TBCK: variants seen among roughly 807,000 people sequenced by gnomAD.
TBCK encodes the protein TBC1 domain containing kinase.
In TBCK, 99 loss-of-function variants were observed where a neutral mutation model predicts 113.4. The observed-to-expected ratio is 0.87, with a 90% CI of 0.74 to 1.03. TBCK has a LOEUF of 1.03. Among genes scored for constraint, TBCK ranks in the 50% least tolerant of loss-of-function variants. TBCK has a pLI of 0.00. For synonymous variants in TBCK, 369 were observed against 370.8 expected (o/e 1.00, Z 0.05); for missense variants, 1,045 against 1,061.3 (o/e 0.98, Z 0.21).
intron 19 of TBCK, among the ~76,000 whole-genome samples, chr4:106,227,744 TG>T (rs1401851885): frequency 2.6e-5 from 4 of 151,722 alleles, no homozygotes; most frequent in Admixed American, 2.6e-4. Flanking sequence ...AAACAGTAAA[TG>T]GGAGAGTGAG....
chr4:106,243,288 T>C (rs1760381182), intron 11 of TBCK, among the ~76,000 whole-genome samples: 2 of 152,110 alleles, frequency 1.3e-5, no homozygotes, highest in South Asian at 4.1e-4. Flanking sequence ...CTCCTGACAT[T>C]AACTCAATGT....
intron 24 of TBCK, among the ~76,000 whole-genome samples, chr4:106,107,719 A>C (rs1045333207): frequency 1.3e-5 from 2 of 152,212 alleles, no homozygotes; most frequent in Admixed American, 6.5e-5. Flanking sequence ...TTCACAATGG[A>C]AAGAATTAGA....
intron 5 of TBCK, among the ~76,000 whole-genome samples, chr4:106,258,068 T>C (rs1328594256): frequency 6.6e-6 from 1 of 152,096 alleles, no homozygotes; most frequent in Non-Finnish European, 1.5e-5. Flanking sequence ...TCAAATATTT[T>C]AGTTTCCCTT....
chr4:106,288,126 A>AG lies in TBCK; in HGVS notation c.266+6967_266+6968insC, dbSNP rs1185900890. 2.0e-5 allele frequency among the ~76,000 whole-genome samples: 3 copies of AG among 150,906 alleles called. No homozygotes were observed. The East Asian group carries it at 5.8e-4, about 29-fold the overall frequency. On this transcript the variant is annotated intron_variant, in intron 3 of 25. Transcript: ENST00000394708. Reference sequence around the variant, plus strand: ...TTTCTTAAAAAAAAAAAAAAAAAAAATTAAGGTATGCAATCCCAGAACTCT... The same window carrying AG: ...TTTCTTAAAAAAAAAAAAAAAAAAAAGTTAAGGTATGCAATCCCAGAACTCT...
Position 106,045,468 on chromosome 4 carries a change from C to G in TBCK, c.*1102G>C, listed in dbSNP as rs2149437447. On this transcript the variant is annotated 3_prime_UTR_variant, in exon 26 of 26. Coordinates refer to ENST00000394708, the MANE Select transcript of TBCK (RefSeq NM_001163435.3). ...TTAGCTGTACCTCAATATGTACTCT[C>G]TTCTTCCCACACAGTAATAAGAATG... 6.6e-6 allele frequency: 1 copy of G among 152,266 alleles called. No individual in the cohort carries two copies. The highest frequency in any genetic ancestry group is 6.5e-5 in the Admixed American group (1 of 15,286). 9.4% of individuals were successfully genotyped at this position (152,266 alleles called of 1,614,324 possible).
At chr4:106,246,477 T>A (rs1386310375) in intron 10 of TBCK, among the ~76,000 whole-genome samples, 2 of 152,092 alleles carry the variant, frequency 1.3e-5, no homozygotes, top group Non-Finnish European at 2.9e-5. Context: ...TGATATATAA[T>A]TCTTATCAAT....
At chr4:106,280,160 T>C (rs1420628277) in intron 3 of TBCK, among the ~76,000 whole-genome samples, 1 of 152,228 alleles carries the variant, frequency 6.6e-6, no homozygotes, top group Non-Finnish European at 1.5e-5. Flanking sequence ...AGTGTAGTTT[T>C]GATTTGCATT....
intron 23 of TBCK, among the ~76,000 whole-genome samples, chr4:106,165,750 G>A (rs1406198559): frequency 3.3e-5 from 5 of 151,644 alleles, no homozygotes; most frequent in Non-Finnish European, 7.4e-5. Context: ...ACCCTGCCAG[G>A]GTGGTATTAT....
rs375131326 is a variant in TBCK, at chr4:106,229,186, TTCTG to T, written c.1774+1173_1774+1176del. Among the ~76,000 whole-genome samples, 83 of 152,210 alleles carry T rather than the reference TTCTG, an allele frequency of 5.5e-4. No homozygotes were observed. The East Asian group carries it at 8.3e-3, about 15-fold the overall frequency. On this transcript the variant is annotated intron_variant, in intron 19 of 25. Coordinates refer to ENST00000394708, the MANE Select transcript of TBCK (RefSeq NM_001163435.3). Reference sequence around the variant, plus strand: ...GGTAGTTTTCAAACATTTTCTCCCATTCTGTGAGTTGTCTCCTAACTTTGTTGAT... The same window carrying T: ...GGTAGTTTTCAAACATTTTCTCCCATTGAGTTGTCTCCTAACTTTGTTGAT...
chr4:106,117,506 C>A (rs569183377), intron 23 of TBCK, among the ~76,000 whole-genome samples: 1 of 152,154 alleles, frequency 6.6e-6, no homozygotes, highest in Non-Finnish European at 1.5e-5. Context: ...AGACTCCAGG[C>A]TATCAAACCC....
chr4:106,176,709 G>A (rs906152727), intron 22 of TBCK, among the ~76,000 whole-genome samples: 1 of 151,990 alleles, frequency 6.6e-6, no homozygotes, highest in African/African-American at 2.4e-5. Context: ...CAGTGGGAAT[G>A]CTGGATCTTA....
At chr4:106,234,945 A>G (rs1477293715) in intron 15 of TBCK, among the ~76,000 whole-genome samples, 1 of 152,158 alleles carries the variant, frequency 6.6e-6, no homozygotes, top group Non-Finnish European at 1.5e-5. Context: ...ATCATATTCT[A>G]TAACAAGCAT....
At chr4:106,157,341 C>T (rs1047380416) in intron 23 of TBCK, among the ~76,000 whole-genome samples, 3 of 152,096 alleles carry the variant, frequency 2.0e-5, no homozygotes, top group Admixed American at 6.6e-5. Context: ...CTCTCTTAGC[C>T]ACTCTGGCTG....
intron 3 of TBCK, among the ~76,000 whole-genome samples, chr4:106,271,242 AG>A (rs1763441459): frequency 1.3e-5 from 2 of 152,216 alleles, no homozygotes; most frequent in African/African-American, 4.8e-5. Context: ...AAAAAGAGTA[AG>A]AAAAAGCTCT....
chr4:106,226,686 T>C (rs1758282364), intron 19 of TBCK, among the ~76,000 whole-genome samples: 1 of 152,196 alleles, frequency 6.6e-6, no homozygotes, highest in South Asian at 2.1e-4. Context: ...CTTTTAATCT[T>C]CTCAGTGTCT....
intron 19 of TBCK, among the ~76,000 whole-genome samples, chr4:106,214,747 C>A (rs1251259474): frequency 6.6e-6 from 1 of 151,124 alleles, no homozygotes; most frequent in Non-Finnish European, 1.5e-5. Flanking sequence ...GATTGGTGTA[C>A]CTGAAAGTGA....
At chr4:106,225,744 A>G (rs1560859980) in intron 19 of TBCK, among the ~76,000 whole-genome samples, 1 of 151,504 alleles carries the variant, frequency 6.6e-6, no homozygotes, top group Non-Finnish European at 1.5e-5. Flanking sequence ...GGCGTGAGCC[A>G]CTGCGCCCAG....
At chr4:106,255,753 G>C (rs2150077949) in intron 5 of TBCK, among the ~76,000 whole-genome samples, 1 of 152,272 alleles carries the variant, frequency 6.6e-6, no homozygotes, top group Non-Finnish European at 1.5e-5. Flanking sequence ...AGCTGTTTTA[G>C]CTCTGACATT....
chr4:106,211,521 T>C (rs1464553063), intron 20 of TBCK, among the ~76,000 whole-genome samples: 1 of 152,116 alleles, frequency 6.6e-6, no homozygotes, highest in Non-Finnish European at 1.5e-5. Context: ...CTTATTTTAG[T>C]TGTATACACA....
Sources: allele counts gnomAD v4.1 joint callset (sites outside exome capture counted in the v4.1 genomes callset), GRCh38; gene constraint gnomAD v4.1.1; transcripts MANE v1.5; gene names NCBI Gene and HGNC (gene_info 2026-07-23, HGNC 2026-07-21).